UPF3A: variants seen among roughly 807,000 people sequenced by gnomAD.
UPF3A encodes regulator of nonsense transcripts 3A.
A neutral mutation model predicts 53.5 loss-of-function variants in UPF3A; 42 were observed. That is an observed-to-expected ratio of 0.78 (90% CI 0.61 to 1.01). The LOEUF (loss-of-function observed/expected upper bound fraction) is 1.01. Ranked by LOEUF, UPF3A falls within the 50% of genes least tolerant of loss-of-function variation. UPF3A has a pLI of 0.00. For synonymous variants in UPF3A, 237 were observed against 225.3 expected (o/e 1.05, Z -0.47); for missense variants, 575 against 598.0 (o/e 0.96, Z 0.40).
chr13:114,305,129 C>T lies in UPF3A; in HGVS notation c.*212C>T. ...CAGAATTCTCACAGATTTTACCATT[C>T]CTGTTATAAACTAGTATTTGTTGTT... On this transcript the variant is annotated 3_prime_UTR_variant, in exon 10 of 10. Transcript: ENST00000375299. 1 of 533,668 alleles carries T rather than the reference C, an allele frequency of 1.9e-6. No homozygotes were observed. Among genetic ancestry groups the T allele is most frequent in the South Asian group, 2.0e-5 (1 of 50,140 alleles). The allele number at this position is 533,668 out of a possible 1,614,324, so 33.1% of individuals were successfully genotyped here. A position where few individuals can be genotyped will look rare whatever the true frequency, so the allele number is the denominator to read the frequency against.
At chr13:114,286,211 A>G in intron 3 of UPF3A, 91 bp from the exon 4 acceptor site, 1 of 1,516,794 alleles carries the variant, frequency 6.6e-7, no homozygotes, top group East Asian at 2.3e-5. Context: ...TCGTTGTTAC[A>G]CTTACTCTTT....
chr13:114,293,324 C>T (rs915514329), intron 7 of UPF3A, among the ~76,000 whole-genome samples: 2 of 151,384 alleles, frequency 1.3e-5, no homozygotes, highest in African/African-American at 4.8e-5. Context: ...GCGGAGGTTG[C>T]AGCGAGCCGG....
intron 7 of UPF3A, among the ~76,000 whole-genome samples, chr13:114,295,451 G>A (rs1348163302): frequency 1.1e-5 from 1 of 94,112 alleles, no homozygotes; most frequent in African/African-American, 4.0e-5. Context: ...GGTTTCTCAT[G>A]AATGCACCAG....
intron 7 of UPF3A, among the ~76,000 whole-genome samples, chr13:114,297,741 A>C (rs576111834): frequency 1.1e-3 from 160 of 152,258 alleles, no homozygotes; most frequent in Non-Finnish European, 2.0e-3. Flanking sequence ...AGGCAGGAGA[A>C]TTGCTTGAAC....
At position 114,291,742 on chromosome 13, in the gene UPF3A, A is replaced by G; in HGVS notation, c.796A>G (p.Lys266Glu). The G allele has an allele frequency of 6.3e-7, 1 of 1,598,752 alleles. No homozygotes were observed. Among genetic ancestry groups the G allele is most frequent in the South Asian group, 1.1e-5 (1 of 88,746 alleles). The part of the protein sequence containing the change: ...RRREEERCKK[K>E]ETDKQKKIAE... ...AAGAGAAGAAGAAAGATGCAAAAAA[A>G]AAGAGACAGATAAACAGAAGAAAAT... The change falls in exon 7 of 10, where the codon AAA becomes GAA. Residue 266 changes from lysine (K) to glutamate (E), a missense_variant. Lys to Glu is a moderately conservative substitution (Grantham distance 56). Around this residue, in one of 2 missense-constraint regions of UPF3A, gnomAD observed 323 missense variants for 415.2 expected, o/e 0.78. Coordinates refer to ENST00000375299, the MANE Select transcript of UPF3A (RefSeq NM_023011.4).
rs778205712 is a variant in UPF3A, at chr13:114,304,921, A to T, written c.*4A>T. ...GAAGAGGGAAGAGGCAGAGTGAGTCACTGCACGCACCTGGCCTCCATGGAC... is the reference window on the plus strand; with the variant it reads ...GAAGAGGGAAGAGGCAGAGTGAGTCTCTGCACGCACCTGGCCTCCATGGAC... On this transcript the variant is annotated 3_prime_UTR_variant, in exon 10 of 10. Coordinates refer to ENST00000375299, the MANE Select transcript of UPF3A (RefSeq NM_023011.4). The T allele has an allele frequency of 1.1e-5, 18 of 1,611,956 alleles. No homozygotes were observed. Among genetic ancestry groups the T allele is most frequent in the Non-Finnish European group, 1.5e-5 (18 of 1,179,068 alleles).
intron 9 of UPF3A, among the ~76,000 whole-genome samples, chr13:114,302,353 C>G (rs919566596): frequency 6.6e-6 from 1 of 152,140 alleles, no homozygotes; most frequent in Admixed American, 6.5e-5. Context: ...GAGGTTTCTT[C>G]CACATTATTA....
In UPF3A at chr13:114,286,384, T is replaced by G. The variant is rs1445493104; in HGVS notation, c.504T>G (p.Thr168=). 1 of 1,614,226 alleles carries G rather than the reference T, an allele frequency of 6.2e-7. No homozygotes were observed. Among genetic ancestry groups the G allele is most frequent in the Admixed American group, 1.7e-5 (1 of 60,024 alleles). ...AGCTGAGAAAAAAAGATGCCAAGAC[T>G]GGAAGCATCGAAGATGGTGAGCCCT... ...KKKLRKKDAK[T]GSIEDDPEYK... Residue 168 remains threonine, a synonymous_variant, in exon 4 of 10, where the codon ACT becomes ACG. Transcript: ENST00000375299.
intron 7 of UPF3A, 77 bp downstream of exon 7, chr13:114,291,869 T>C: frequency 6.9e-7 from 1 of 1,458,350 alleles, no homozygotes; most frequent in Non-Finnish European, 9.2e-7. Flanking sequence ...ATCTTAGTTC[T>C]TTAGAATTTT....
intron 7 of UPF3A, among the ~76,000 whole-genome samples, chr13:114,295,601 T>G (rs1480511392): frequency 6.6e-6 from 1 of 152,256 alleles, no homozygotes; most frequent in Non-Finnish European, 1.5e-5. Context: ...TTCCTGCGTC[T>G]CTGATGCTTT....
At chr13:114,290,623 A>G (rs1182429747) in intron 5 of UPF3A, among the ~76,000 whole-genome samples, 5 of 152,198 alleles carry the variant, frequency 3.3e-5, no homozygotes, top group Non-Finnish European at 5.9e-5. Context: ...CGGGCATGAA[A>G]GCGAAGGACC....
chr13:114,304,663 A>C, intron 9 of UPF3A, 126 bp from the exon 10 acceptor site: 1 of 1,375,046 alleles, frequency 7.3e-7, no homozygotes, highest in South Asian at 1.4e-5. Flanking sequence ...AAAAGGGCTG[A>C]TTTTTAGCTG....
chr13:114,282,174 C>T (rs771266579), intron 2 of UPF3A, 47 bp downstream of exon 2: 14 of 1,471,018 alleles, frequency 9.5e-6, no homozygotes, highest in East Asian at 2.5e-5. Context: ...ACCCAGAGCT[C>T]GGCGGCGGTG....
intron 7 of UPF3A, among the ~76,000 whole-genome samples, chr13:114,294,767 G>T (rs1370192923): frequency 6.6e-6 from 1 of 151,978 alleles, no homozygotes; most frequent in Non-Finnish European, 1.5e-5. Flanking sequence ...AGAGGTTGCA[G>T]TGAGCTGAGA....
intron 3 of UPF3A, 134 bp from the exon 4 acceptor site, chr13:114,286,168 A>G: frequency 1.8e-6 from 2 of 1,125,230 alleles, no homozygotes; most frequent in Non-Finnish European, 2.5e-6. Flanking sequence ...TACTGGAAGG[A>G]TGAATTATAG....
intron 7 of UPF3A, among the ~76,000 whole-genome samples, chr13:114,292,009 T>G (rs1044741663): frequency 6.6e-6 from 1 of 151,894 alleles, no homozygotes; most frequent in African/African-American, 2.4e-5. Context: ...TGCTGTTGGG[T>G]GCCTGTCCTC....
At chr13:114,287,650 C>T (rs1449316641) in intron 5 of UPF3A, 1 of 152,170 alleles carries the variant, frequency 6.6e-6, no homozygotes, top group Non-Finnish European at 1.5e-5. Context: ...ATTTTCCTGT[C>T]TGTCTCCCAC....
At chr13:114,301,700 G>A in intron 8 of UPF3A, 31 bp from the exon 9 acceptor site, 2 of 1,591,118 alleles carry the variant, frequency 1.3e-6, no homozygotes, top group Non-Finnish European at 1.7e-6. Flanking sequence ...GCGGTTTACT[G>A]CAGTTGCTGA....
chr13:114,290,376 C>T (rs2085153202), intron 5 of UPF3A, among the ~76,000 whole-genome samples: 1 of 152,202 alleles, frequency 6.6e-6, no homozygotes, highest in Non-Finnish European at 1.5e-5. Context: ...ATTCCTGGTC[C>T]TCAGAATTCC....
Sources: gnomAD v4.1 joint callset for allele counts (sites outside exome capture counted in the v4.1 genomes callset) on GRCh38, gnomAD v4.1.1 for gene constraint, gnomAD v4.1.1 regional missense constraint, MANE v1.5 for transcripts, NCBI Gene and HGNC (gene_info 2026-07-23, HGNC 2026-07-21) for gene names.